RPRD1A: variants seen among roughly 807,000 people sequenced by gnomAD.
RPRD1A encodes regulation of nuclear pre-mRNA domain containing 1A, also known as regulation of nuclear pre-mRNA domain-containing protein 1A.
Under a neutral mutation model 37.8 loss-of-function variants are expected in RPRD1A, and 9 were observed. That is an observed-to-expected ratio of 0.24 (90% CI 0.14 to 0.42). The LOEUF (loss-of-function observed/expected upper bound fraction) is 0.42. Ranked by LOEUF, RPRD1A falls within the 10% of genes least tolerant of loss-of-function variation. The probability of loss-of-function intolerance (pLI) is 1.00; values close to 1 mark genes in which losing one functional copy is unlikely to be tolerated. For missense variants in RPRD1A, 255 were observed against 371.0 expected, an observed-to-expected ratio of 0.69 and a Z score of 2.57; for synonymous variants, 138 against 139.7, an observed-to-expected ratio of 0.99 and a Z score of 0.08.
chr18:36,055,186 T>G (rs1401666709), intron 1 of RPRD1A, among the ~76,000 whole-genome samples: 1 of 152,226 alleles, frequency 6.6e-6, no homozygotes, highest in African/African-American at 2.4e-5. Flanking sequence ...TTTGATAGTT[T>G]GGCAAAAATA....
chr18:36,064,887 AAGCC>A (rs1279578260), intron 1 of RPRD1A, among the ~76,000 whole-genome samples: 1 of 152,056 alleles, frequency 6.6e-6, no homozygotes, highest in Non-Finnish European at 1.5e-5. Context: ...TTCACTCCTG[AAGCC>A]AGCGAGACCA....
chr18:36,026,184 G>A (rs745861522), intron 6 of RPRD1A: 1 of 152,356 alleles, frequency 6.6e-6, no homozygotes, highest in Non-Finnish European at 1.5e-5. Context: ...TAAATAAAGG[G>A]ATTCAAATTA....
intron 6 of RPRD1A, among the ~76,000 whole-genome samples, chr18:36,016,032 T>C (rs2071935973): frequency 6.6e-6 from 1 of 152,226 alleles, no homozygotes; most frequent in Non-Finnish European, 1.5e-5. Context: ...TTTGGTCTAC[T>C]AGTTACTTTC....
intron 6 of RPRD1A, 102 bp downstream of exon 6, chr18:36,026,798 T>C: frequency 1.9e-6 from 2 of 1,054,372 alleles, no homozygotes; most frequent in East Asian, 2.6e-5. Context: ...AAAAGGTCTA[T>C]GTTAAAAAAT....
At chr18:36,042,291 T>G (rs183679444) in intron 1 of RPRD1A, among the ~76,000 whole-genome samples, 1 of 152,312 alleles carries the variant, frequency 6.6e-6, no homozygotes, top group African/African-American at 2.4e-5. Context: ...CTATAATTAT[T>G]TTTATTTCAT....
chr18:36,031,269 C>T (rs1911770225), intron 2 of RPRD1A, among the ~76,000 whole-genome samples, 172 bp from the exon 3 acceptor site: 1 of 152,158 alleles, frequency 6.6e-6, no homozygotes, highest in Non-Finnish European at 1.5e-5. Context: ...GTGAAGTGAT[C>T]TAGACACACT....
chr18:36,027,247 G>C lies in RPRD1A; in HGVS notation c.550C>G (p.His184Asp). ...ENAASGDAAVHQRIASLPVEV... is the reference protein window; with the variant it reads ...ENAASGDAAVDQRIASLPVEV... ...ACAGGTAAAGAAGCTATCCTCTGATGAACTGCTGCATCACCTGAGGCTGCA... is the reference window on the plus strand; with the variant it reads ...ACAGGTAAAGAAGCTATCCTCTGATCAACTGCTGCATCACCTGAGGCTGCA... Residue 184 changes from histidine to aspartate, a missense_variant, in exon 5 of 7, where the codon CAT becomes GAT. Transcript: ENST00000399022. 6.2e-7 allele frequency: 1 copy of C among 1,613,424 alleles called. No homozygotes were observed.
At chr18:36,057,131 T>G (rs1913844198) in intron 1 of RPRD1A, among the ~76,000 whole-genome samples, 1 of 149,204 alleles carries the variant, frequency 6.7e-6, no homozygotes, top group Non-Finnish European at 1.5e-5. Context: ...TCAGGAGGAT[T>G]GATTGAGCCT....
intron 6 of RPRD1A, among the ~76,000 whole-genome samples, chr18:36,008,359 C>T (rs1290606681): frequency 6.6e-6 from 1 of 151,410 alleles, no homozygotes; most frequent in South Asian, 2.1e-4. Flanking sequence ...GAGAGGATCA[C>T]TTGTGCCCAG....
intron 1 of RPRD1A, chr18:36,064,445 C>A: frequency 6.6e-6 from 1 of 152,460 alleles, no homozygotes; most frequent in Admixed American, 6.5e-5. Flanking sequence ...TTCTGTCTAG[C>A]TAAAGGATTG....
chr18:35,999,229 A>G (rs1909275163), intron 6 of RPRD1A, among the ~76,000 whole-genome samples: 1 of 152,206 alleles, frequency 6.6e-6, no homozygotes, highest in Non-Finnish European at 1.5e-5. Context: ...TCAACACTCC[A>G]TGAAGTCAGA....
chr18:36,019,900 C>A (rs1038393411), intron 6 of RPRD1A, among the ~76,000 whole-genome samples: 1 of 152,118 alleles, frequency 6.6e-6, no homozygotes, highest in Non-Finnish European at 1.5e-5. Context: ...ATTAGACAGC[C>A]GTGATGGCGC....
chr18:36,015,274 G>A (rs898941833), intron 6 of RPRD1A, among the ~76,000 whole-genome samples: 26 of 149,836 alleles, frequency 1.7e-4, no homozygotes, highest in Admixed American at 1.6e-3. Context: ...GTGCAGTGGC[G>A]TGATCTCCGC....
At chr18:36,065,666 A>C (rs1322249211) in intron 1 of RPRD1A, among the ~76,000 whole-genome samples, 1 of 152,222 alleles carries the variant, frequency 6.6e-6, no homozygotes, top group Non-Finnish European at 1.5e-5. Context: ...GTTGATCTAC[A>C]AAATAGTTAC....
intron 6 of RPRD1A, among the ~76,000 whole-genome samples, chr18:36,007,602 T>C (rs2144186067): frequency 6.6e-6 from 1 of 152,184 alleles, no homozygotes; most frequent in East Asian, 1.9e-4. Context: ...AAAAATGAGA[T>C]CACCACCAAA....
At chr18:36,057,049 TACAAAA>T (rs973059231) in intron 1 of RPRD1A, among the ~76,000 whole-genome samples, 1 of 23,266 alleles carries the variant, frequency 4.3e-5, no homozygotes, top group African/African-American at 1.9e-4. Context: ...ACCCTGTTTC[TACAAAA>T]AAAAAAAAAA....
At chr18:36,044,854 A>G (rs1912842824) in intron 1 of RPRD1A, among the ~76,000 whole-genome samples, 1 of 152,194 alleles carries the variant, frequency 6.6e-6, no homozygotes, top group South Asian at 2.1e-4. Context: ...GCAATCTTCC[A>G]AGAGGCTGCC....
Position 36,008,577 on chromosome 18 carries a change from G to GTGTGTGTATGTATATATA in RPRD1A, c.790-15278_790-15277insTATATATACATACACACA. On this transcript the variant is annotated intron_variant, in intron 6 of 6. Coordinates refer to ENST00000399022, the MANE Select transcript of RPRD1A (RefSeq NM_018170.5). The stretch of plus-strand genomic sequence containing the variant: ...GGCGACACAGCAAGACCTTGTGTGT[G>GTGTGTGTATGTATATATA]TATATATATATATCTTTAAAAATCT... Among the ~76,000 whole-genome samples the GTGTGTGTATGTATATATA allele has an allele frequency of 6.3e-5, 3 of 47,800 alleles. 1 individual carries two copies. Among genetic ancestry groups the GTGTGTGTATGTATATATA allele is most frequent in the African/African-American group, 2.0e-4 (3 of 14,810 alleles). 31.4% of individuals were successfully genotyped at this position (47,800 alleles called of 152,430 possible).
At chr18:36,023,251 G>A (rs976810851) in intron 6 of RPRD1A, among the ~76,000 whole-genome samples, 1 of 152,212 alleles carries the variant, frequency 6.6e-6, no homozygotes, top group South Asian at 2.1e-4. Flanking sequence ...CATGGGAGGA[G>A]ATAAAATATC....
Sources: gnomAD v4.1 joint callset for allele counts (sites outside exome capture counted in the v4.1 genomes callset) on GRCh38, gnomAD v4.1.1 for gene constraint, MANE v1.5 for transcripts, NCBI Gene and HGNC (gene_info 2026-07-23, HGNC 2026-07-21) for gene names.